Variants in HERC4 observed in about 807,000 individuals in gnomAD.
HERC4 encodes probable E3 ubiquitin-protein ligase HERC4.
In HERC4, 28 loss-of-function variants were observed where a neutral mutation model predicts 124.3. That is an observed-to-expected ratio of 0.23 (90% CI 0.17 to 0.31). The LOEUF is 0.31. Among genes scored for constraint, HERC4 ranks in the 10% least tolerant of loss-of-function variants. The probability of loss-of-function intolerance (pLI) is 1.00; values close to 1 mark genes in which losing one functional copy is unlikely to be tolerated. For synonymous variants in HERC4, 407 were observed against 421.5 expected (o/e 0.97, Z 0.42); for missense variants, 713 against 1,229.3 (o/e 0.58, Z 6.28).
intron 15 of HERC4, among the ~76,000 whole-genome samples, chr10:67,979,915 C>G (rs550211774): frequency 2.0e-5 from 3 of 150,328 alleles, no homozygotes; most frequent in Non-Finnish European, 4.4e-5. Flanking sequence ...CCAGCCTGGG[C>G]GACAGAGCAA....
intron 3 of HERC4, among the ~76,000 whole-genome samples, chr10:68,057,623 C>CAA (rs770527997): frequency 4.0e-5 from 4 of 100,324 alleles, no homozygotes; most frequent in Non-Finnish European, 6.2e-5. Context: ...GACTCTGTCT[C>CAA]AAAAAAAAAA....
At chr10:68,053,934 T>C (rs943803859) in intron 3 of HERC4, among the ~76,000 whole-genome samples, 5 of 152,220 alleles carry the variant, frequency 3.3e-5, no homozygotes, top group Non-Finnish European at 7.3e-5. Flanking sequence ...ATTTTAATAC[T>C]GAGGTCAGAA....
At chr10:67,988,870 A>C (rs1045222898) in intron 14 of HERC4, 35 bp from the exon 15 acceptor site, 1 of 1,528,738 alleles carries the variant, frequency 6.5e-7, no homozygotes, top group African/African-American at 1.4e-5. Context: ...AATAAAATGA[A>C]TTTTTTAAAA....
rs144839094 is a variant in HERC4 at position 67,955,280 on chromosome 10, T to C, written c.2026-150A>G. ...GCACCTAACAGTATCCCGTACAGCA[T>C]AAAACTTAATAAACTGAGCATAAAG... On this transcript the variant is annotated intron_variant, in intron 17 of 24. Coordinates refer to ENST00000373700, the MANE Select transcript of HERC4 (RefSeq NM_015601.4). 1.0e-4 allele frequency: 62 copies of C among 610,446 alleles called. 1 individual carries two copies. In the East Asian group the frequency reaches 1.7e-3, roughly 17 times the overall value. The allele number at this position is 610,446 out of a possible 1,614,324, so 37.8% of individuals were successfully genotyped here. A position where few individuals can be genotyped will look rare whatever the true frequency, so the allele number is the denominator to read the frequency against.
chr10:67,964,757 G>A (rs1174381745), intron 16 of HERC4: 2 of 151,768 alleles, frequency 1.3e-5, no homozygotes, highest in Non-Finnish European at 2.9e-5. Flanking sequence ...CATGCTGGCT[G>A]TTTTCCTTTC....
chr10:67,963,158 C>T (rs1353745654), intron 16 of HERC4, among the ~76,000 whole-genome samples: 1 of 152,312 alleles, frequency 6.6e-6, no homozygotes, highest in East Asian at 1.9e-4. Flanking sequence ...TAGAATTCTT[C>T]ATCATTACAA....
intron 19 of HERC4, among the ~76,000 whole-genome samples, chr10:67,953,274 G>A (rs2033929303): frequency 2.0e-5 from 3 of 152,062 alleles, no homozygotes; most frequent in Admixed American, 6.6e-5. Flanking sequence ...TCACTTGGTG[G>A]TATAACAATA....
At chr10:67,988,867 T>C in intron 14 of HERC4, 32 bp from the exon 15 acceptor site, 1 of 1,538,484 alleles carries the variant, frequency 6.5e-7, no homozygotes, top group South Asian at 1.2e-5. Flanking sequence ...GCAAATAAAA[T>C]GAATTTTTTA....
chr10:68,061,408 C>T (rs2041003871), intron 3 of HERC4, among the ~76,000 whole-genome samples: 1 of 151,766 alleles, frequency 6.6e-6, no homozygotes, highest in Non-Finnish European at 1.5e-5. Flanking sequence ...TGGCAGGCAC[C>T]TGTAGTCCCA....
intron 16 of HERC4, among the ~76,000 whole-genome samples, chr10:67,963,175 C>G (rs982990899): frequency 6.6e-6 from 1 of 152,122 alleles, no homozygotes; most frequent in African/African-American, 2.4e-5. Context: ...ACAACATTCT[C>G]CATAATAAAT....
At chr10:67,951,364 T>A (rs1431793561) in intron 19 of HERC4, among the ~76,000 whole-genome samples, 1 of 152,206 alleles carries the variant, frequency 6.6e-6, no homozygotes, top group East Asian at 1.9e-4. Context: ...CTCCATCATG[T>A]CTTATATGCC....
chr10:67,939,607 G>A lies in HERC4; in HGVS notation c.2552C>T (p.Thr851Ile), dbSNP rs1230934911. The A allele has an allele frequency of 6.2e-7, 1 of 1,607,408 alleles. No homozygotes were observed. Among genetic ancestry groups the A allele is most frequent in the Non-Finnish European group, 8.5e-7 (1 of 1,176,278 alleles). Residue 851 changes from threonine (T) to isoleucine (I), a missense_variant, in exon 21 of 25, where the codon ACA becomes ATA. Thr to Ile is a moderately conservative substitution (Grantham distance 89). Coordinates refer to ENST00000373700, the MANE Select transcript of HERC4 (RefSeq NM_015601.4). ...TCTTACCGTAAAATTAAGACAAAAT[G>A]TTTCCTCTATGTCATCTTCTGGATA... Reference protein sequence around the residue: ...LDYPEDDIEETFCLNFTITVE... With the variant: ...LDYPEDDIEEIFCLNFTITVE...
Position 67,990,976 on chromosome 10 carries a change from C to T in HERC4, c.1371G>A (p.Gly457=). 6.2e-7 allele frequency: 1 copy of T among 1,607,162 alleles called. No homozygotes were observed. Among genetic ancestry groups the T allele is most frequent in the Non-Finnish European group, 8.5e-7 (1 of 1,175,826 alleles). Residue 457 remains glycine (G), a synonymous_variant, in exon 13 of 25, where the codon GGG becomes GGA. Coordinates refer to ENST00000373700, the MANE Select transcript of HERC4 (RefSeq NM_015601.4). Reference sequence around the variant, plus strand: ...AAAGCCTAGCAGCATTCATATCAACCCCTGAAAATCTGGTACCTGTTCTAT... The same window carrying T: ...AAAGCCTAGCAGCATTCATATCAACTCCTGAAAATCTGGTACCTGTTCTAT... ...DHYRTGTRFS[G]VDMNAARLLF... is the part of the protein sequence containing the mutation.
chr10:67,975,976 C>G (rs1274340252), intron 15 of HERC4, among the ~76,000 whole-genome samples: 1 of 150,974 alleles, frequency 6.6e-6, no homozygotes, highest in Non-Finnish European at 1.5e-5. Context: ...AAGAAGGGGT[C>G]GGCAAACTAC....
At chr10:67,996,787 T>C (rs892553122) in intron 9 of HERC4, among the ~76,000 whole-genome samples, 3 of 151,662 alleles carry the variant, frequency 2.0e-5, no homozygotes, top group African/African-American at 7.3e-5. Context: ...GATTGAGACA[T>C]ACAGTGAAAC....
In HERC4 at chr10:67,991,217, GTTTT is replaced by G. The variant is rs769065590; in HGVS notation, c.1272-22_1272-19del. ...CTATCTCACTAAAAAATTTAAAAAA[GTTTT>G]TTTAATCATAGAATCAGAAATTTAA... On this transcript the variant is annotated intron_variant, in intron 11 of 24. Transcript: ENST00000373700. 4.2e-6 allele frequency: 6 copies of G among 1,430,532 alleles called. No individual in the cohort carries two copies. In the South Asian group the frequency reaches 8.7e-5, roughly 21 times the overall value. The allele number at this position is 1,430,532 out of a possible 1,614,324, so 88.6% of individuals were successfully genotyped here. A position where few individuals can be genotyped will look rare whatever the true frequency, so the allele number is the denominator to read the frequency against.
intron 3 of HERC4, chr10:68,069,349 G>C (rs2041455700): frequency 1.0e-6 from 1 of 984,142 alleles, no homozygotes; most frequent in Non-Finnish European, 1.2e-6. Context: ...AAACATGAAA[G>C]TGAAACAGAC....
intron 9 of HERC4, 35 bp downstream of exon 9, chr10:68,013,991 T>C (rs1031825916): frequency 1.4e-6 from 2 of 1,477,608 alleles, no homozygotes; most frequent in Non-Finnish European, 1.8e-6. Context: ...AGAACTTCAA[T>C]ATATGAAGGA....
At chr10:68,027,874 A>C (rs2038984402) in intron 7 of HERC4, among the ~76,000 whole-genome samples, 1 of 151,788 alleles carries the variant, frequency 6.6e-6, no homozygotes, top group Non-Finnish European at 1.5e-5. Flanking sequence ...AAGTGAGCCA[A>C]GATCACACCA....
Sources: allele counts gnomAD v4.1 joint callset (sites outside exome capture counted in the v4.1 genomes callset), GRCh38; gene constraint gnomAD v4.1.1; transcripts MANE v1.5; gene names NCBI Gene and HGNC (gene_info 2026-07-23, HGNC 2026-07-21).